Variants in HCFC1 observed in about 807,000 individuals in gnomAD.
HCFC1 encodes the protein host cell factor C1.
A neutral mutation model predicts 105.5 loss-of-function variants in HCFC1; 7 were observed. The ratio of observed to expected loss-of-function variants is 0.07; its 90% CI spans 0.04 to 0.12. The LOEUF (loss-of-function observed/expected upper bound fraction) is 0.12, where lower values mean the gene tolerates loss of function less well. Ranked by LOEUF, HCFC1 falls within the 10% of genes least tolerant of loss-of-function variation. The pLI, the probability that HCFC1 is intolerant of heterozygous loss-of-function variation, is 1.00. For synonymous variants in HCFC1, 918 were observed against 828.1 expected, an observed-to-expected ratio of 1.11 and a Z score of -1.86; for missense variants, 1,065 against 1,823.6, an observed-to-expected ratio of 0.58 and a Z score of 7.58.
intron 1 of HCFC1, chrX:153,969,442 G>A (rs1197442844): frequency 8.9e-6 from 1 of 112,122 alleles, no homozygotes. Context: ...CCGCCTGCAG[G>A]GGGCTTTTCC....
rs2065389006 is a variant in HCFC1, at chrX:153,957,468, G to A, written c.2199C>T (p.Thr733=). Reference sequence around the variant, plus strand: ...TGGCCTGCGTGGTAGTGATGATGGTGGTGGGCTTGCCATCTGCTGAGGTCA... The same window carrying A: ...TGGCCTGCGTGGTAGTGATGATGGTAGTGGGCTTGCCATCTGCTGAGGTCA... ...KLVTSADGKP[T]TIITTTQASG... The change falls in exon 13 of 26, where the codon ACC becomes ACT. Residue 733 remains threonine, a synonymous_variant. Transcript: ENST00000310441. The A allele has an allele frequency of 8.3e-7, 1 of 1,209,743 alleles. No individual in the cohort carries two copies. Among genetic ancestry groups the A allele is most frequent in the Admixed American group, 2.2e-5 (1 of 45,900 alleles).
rs782729826 is a variant in HCFC1 at position 153,959,886 on chromosome X, C to T, written c.1360G>A (p.Ala454Thr). 2 of 1,198,788 alleles carry T rather than the reference C, an allele frequency of 1.7e-6. No homozygotes were observed. Among genetic ancestry groups the T allele is most frequent in the Non-Finnish European group, 2.3e-6 (2 of 887,226 alleles). Residue 454 changes from alanine to threonine, a missense_variant, in exon 8 of 26, where the codon GCA becomes ACA. Around this residue, in one of 17 missense-constraint regions of HCFC1, gnomAD observed 101 missense variants for 155.1 expected, o/e 0.65. Transcript: ENST00000310441. ...TGGATGGTGGTGGTGGTCGGGGGTG[C>T]GGGGGCAGCCTGGGGCAGGAGCGTG... Reference protein sequence around the residue: ...GITLLPQAAPAPPTTTTIQVL... With the variant: ...GITLLPQAAPTPPTTTTIQVL...
chrX:153,956,772 C>T lies in HCFC1; in HGVS notation c.2497-9G>A. 1 of 1,210,298 alleles carries T rather than the reference C, an allele frequency of 8.3e-7. No individual in the cohort carries two copies. The highest frequency in any genetic ancestry group is 1.1e-6 in the Non-Finnish European group (1 of 895,328). The stretch of plus-strand genomic sequence containing the variant: ...GCCCCCTTAAGCACCACCTGGAACA[C>T]CAGAGGAAAGTGCCACCAACGTCAC... On this transcript the variant is annotated splice_polypyrimidine_tract_variant and intron_variant, in intron 14 of 25. Transcript: ENST00000310441.
At chrX:153,964,472 G>T in intron 2 of HCFC1, 106 bp downstream of exon 2, 2 of 968,559 alleles carry the variant, frequency 2.1e-6, no homozygotes, top group Non-Finnish European at 2.8e-6. Flanking sequence ...AGCCTTGGCA[G>T]ACTCTCAAGC....
In HCFC1 at chrX:153,947,614, G is replaced by A. The variant is rs1455957770; in HGVS notation, c.*1733C>T. 1 of 112,194 alleles carries A rather than the reference G, an allele frequency of 8.9e-6. No homozygotes were observed. The highest frequency in any genetic ancestry group is 3.2e-5 in the African/African-American group (1 of 30,828). The allele number at this position is 112,194 out of a possible 1,213,427, so 9.2% of individuals were successfully genotyped here. On this transcript the variant is annotated 3_prime_UTR_variant, in exon 26 of 26. Coordinates refer to ENST00000310441, the MANE Select transcript of HCFC1 (RefSeq NM_005334.3). ...ATAGCACAAAACGACATCGCACTAT[G>A]GTAATATTGAGTCACAGGGGTTACT...
intron 16 of HCFC1, among the ~76,000 whole-genome samples, chrX:153,955,963 G>A (rs1174419208): frequency 1.1e-4 from 13 of 113,383 alleles, no homozygotes; most frequent in African/African-American, 3.8e-4. Context: ...AGAACCCGGT[G>A]TTCAAACACC....
rs1381438516 is a variant in HCFC1, at chrX:153,952,935, C to G, written c.4521G>C (p.Ser1507=). The change falls in exon 19 of 26, where the codon TCG becomes TCC. Residue 1507 remains serine (S), a synonymous_variant. Coordinates refer to ENST00000310441, the MANE Select transcript of HCFC1 (RefSeq NM_005334.3). The part of the protein sequence containing the change: ...SVPPPEELQV[S]PGPRQQLPPR... ...GCGGCAGCTGCTGGCGAGGACCTGG[C>G]GACACCTGGAGTTCCTCTGGGGGCT... 13 of 1,176,126 alleles carry G rather than the reference C, an allele frequency of 1.1e-5. No individual in the cohort carries two copies. Among genetic ancestry groups the G allele is most frequent in the Non-Finnish European group, 1.5e-5 (13 of 878,108 alleles).
At chrX:153,952,184 A>G (rs1039544606) in intron 19 of HCFC1, 26 bp from the exon 20 acceptor site, 9 of 1,087,948 alleles carry the variant, frequency 8.3e-6, no homozygotes, top group Non-Finnish European at 1.1e-5. Context: ...GAGAAACACT[A>G]CTTACTAGGA....
chrX:153,970,498 GGAGA>G (rs1569547083), intron 1 of HCFC1, 146 bp downstream of exon 1: 10 of 403,326 alleles, frequency 2.5e-5, no homozygotes, highest in South Asian at 4.2e-5. Flanking sequence ...AGGGAGGAGG[GGAGA>G]GAGAGAGGGA....
In HCFC1 at chrX:153,971,396, CCT is replaced by C. The variant is rs1213042769; in HGVS notation, c.-558_-557del. On this transcript the variant is annotated 5_prime_UTR_variant, in exon 1 of 26. Coordinates refer to ENST00000310441, the MANE Select transcript of HCFC1 (RefSeq NM_005334.3). The stretch of plus-strand genomic sequence containing the variant: ...GACCGTCCCGCTTCCCCGCCCAGCG[CCT>C]TAGTGCAGCCGCCGCTCCCGAAACA... 4 of 295,243 alleles carry C rather than the reference CCT, an allele frequency of 1.4e-5. No individual in the cohort carries two copies. Among genetic ancestry groups the C allele is most frequent in the South Asian group, 2.2e-4 (1 of 4,514 alleles). The allele number at this position is 295,243 out of a possible 1,213,427, so 24.3% of individuals were successfully genotyped here.
In HCFC1 at chrX:153,955,470, G is replaced by A; in HGVS notation, c.2929C>T (p.Leu977Phe). The change falls in exon 17 of 26, where the codon CTC becomes TTC. Residue 977 changes from leucine (L) to phenylalanine (F), a missense_variant. Physicochemically the swap from Leu to Phe is conservative, Grantham distance 22 (BLOSUM62 0). Around this residue, in one of 17 missense-constraint regions of HCFC1, gnomAD observed 546 missense variants for 599.9 expected, o/e 0.91. Transcript: ENST00000310441. Reference protein sequence around the residue: ...SGVEAQPVHDLPVSILASPTT... With the variant: ...SGVEAQPVHDFPVSILASPTT... ...GGGGAGGCCAGAATGGACACAGGGA[G>A]GTCATGCACAGGCTGGGCCTCCACC... is the stretch of plus-strand genomic sequence containing the variant. 2 of 1,199,947 alleles carry A rather than the reference G, an allele frequency of 1.7e-6. No individual in the cohort carries two copies. The highest frequency in any genetic ancestry group is 1.8e-5 in the South Asian group (1 of 54,992).
At position 153,970,664 on chromosome X, in the gene HCFC1, C is replaced by T. The variant is rs995685663; in HGVS notation, c.177G>A (p.Leu59=). 8.3e-6 allele frequency: 10 copies of T among 1,205,251 alleles called. No homozygotes were observed. The highest frequency in any genetic ancestry group is 9.0e-6 in the Non-Finnish European group (8 of 892,572). The change falls in exon 1 of 26, where the codon CTG becomes CTA. Residue 59 remains leucine (L), a synonymous_variant. Transcript: ENST00000310441. ...TGCACTCACCCGTGTTGTACACGTG[C>T]AGTTCGTCCACTATTCCCTCGTTGC... ...GGGNEGIVDE[L]HVYNTATNQW... is the part of the protein sequence containing the mutation.
intron 11 of HCFC1, 59 bp from the exon 12 acceptor site, chrX:153,957,945 G>A: frequency 2.6e-6 from 3 of 1,149,586 alleles, no homozygotes; most frequent in Non-Finnish European, 3.6e-6. Context: ...GCATGGCCTG[G>A]CTGAGACTCT....
At position 153,954,449 on chromosome X, in the gene HCFC1, C is replaced by A; in HGVS notation, c.3950G>T (p.Cys1317Phe). 2.5e-6 allele frequency: 3 copies of A among 1,211,478 alleles called. No homozygotes were observed. The highest frequency in any genetic ancestry group is 3.4e-6 in the Non-Finnish European group (3 of 895,332). The change falls in exon 17 of 26, where the codon TGC (cysteine) becomes TTC (phenylalanine). Residue 1317 changes from cysteine (C) to phenylalanine (F), a missense_variant. Cys to Phe is a radical substitution (Grantham distance 205, BLOSUM62 -2). Transcript: ENST00000310441. ...GTGGGTCTCGCATGGCGGGTTGGAG[C>A]ACACCCTCTGGGCGCTGCCTGCATT... Reference protein sequence around the residue: ...TSNAGSAQRVCSNPPCETHET... With the variant: ...TSNAGSAQRVFSNPPCETHET...
At chrX:153,958,951 C>T (rs1557115951) in intron 9 of HCFC1, among the ~76,000 whole-genome samples, 185 bp from the exon 10 acceptor site, 1 of 112,686 alleles carries the variant, frequency 8.9e-6, no homozygotes, top group South Asian at 3.6e-4. Flanking sequence ...GCTCCCACCA[C>T]CCACCATGCA....
At chrX:153,968,435 C>T (rs782109143) in intron 1 of HCFC1, among the ~76,000 whole-genome samples, 64 of 111,928 alleles carry the variant, frequency 5.7e-4, no homozygotes, top group Non-Finnish European at 9.6e-4. Context: ...ACAAAGGTGA[C>T]GAGGCCGGGC....
intron 23 of HCFC1, 77 bp downstream of exon 23, chrX:153,950,734 GCC>G: frequency 2.0e-6 from 2 of 983,122 alleles, no homozygotes; most frequent in Non-Finnish European, 2.8e-6. Context: ...GCTCTCCTAT[GCC>G]CCCCCCCGGC....
intron 10 of HCFC1, 47 bp from the exon 11 acceptor site, chrX:153,958,296 G>A: frequency 1.9e-6 from 2 of 1,037,136 alleles, no homozygotes; most frequent in Non-Finnish European, 2.7e-6. Flanking sequence ...GAAAGCGATG[G>A]GGAAACCACC....
chrX:153,952,725 GGGT>G lies in HCFC1; in HGVS notation c.4728_4730del (p.Pro1577del), dbSNP rs782725252. ...ATAACTGGTCTACTTCGGACTGTGT[GGGT>G]GGGGGTGGCTGGACCACCACAGTGG... On this transcript the variant is annotated inframe_deletion, in exon 19 of 26. Coordinates refer to ENST00000310441, the MANE Select transcript of HCFC1 (RefSeq NM_005334.3). The G allele has an allele frequency of 3.1e-5, 37 of 1,208,601 alleles. 1 individual carries two copies. The South Asian group carries it at 6.2e-4, about 20-fold the overall frequency.
Sources: gnomAD v4.1 joint callset for allele counts (sites outside exome capture counted in the v4.1 genomes callset) on GRCh38, gnomAD v4.1.1 for gene constraint, gnomAD v4.1.1 regional missense constraint, MANE v1.5 for transcripts, NCBI Gene and HGNC (gene_info 2026-07-23, HGNC 2026-07-21) for gene names.